TTLL5: variants seen among roughly 807,000 people sequenced by gnomAD.
The protein encoded by TTLL5 is tubulin tyrosine ligase like 5.
In TTLL5, 132 loss-of-function variants were observed where a neutral mutation model predicts 168.4. The ratio of observed to expected loss-of-function variants is 0.78; its 90% confidence interval spans 0.68 to 0.91. The LOEUF is 0.91. TTLL5 is among the 40% of genes least tolerant of loss of function. The pLI is 0.00. For synonymous variants in TTLL5, 546 were observed against 558.6 expected, an observed-to-expected ratio of 0.98 and a Z score of 0.32; for missense variants, 1,545 against 1,581.5, an observed-to-expected ratio of 0.98 and a Z score of 0.39.
intron 22 of TTLL5, among the ~76,000 whole-genome samples, 154 bp downstream of exon 22, chr14:75,775,784 C>A (rs79593513): frequency 0.012 from 1,786 of 152,246 alleles, 44 homozygotes; most frequent in African/African-American, 0.04. Flanking sequence ...AAGCAGGACC[C>A]CACACCTTAA....
At chr14:75,677,456 C>T (rs1884261388) in intron 3 of TTLL5, among the ~76,000 whole-genome samples, 1 of 142,714 alleles carries the variant, frequency 7.0e-6, no homozygotes, top group Non-Finnish European at 1.5e-5. Context: ...AGTGCAGTGG[C>T]CTGATCATGA....
At chr14:75,885,266 A>G (rs918601955) in intron 30 of TTLL5, among the ~76,000 whole-genome samples, 1 of 151,826 alleles carries the variant, frequency 6.6e-6, no homozygotes, top group African/African-American at 2.4e-5. Context: ...CGAGGCGGGC[A>G]GATCAAGAGG....
At chr14:75,673,275 T>G (rs2140098987) in intron 3 of TTLL5, among the ~76,000 whole-genome samples, 1 of 152,356 alleles carries the variant, frequency 6.6e-6, no homozygotes, top group South Asian at 2.1e-4. Flanking sequence ...AGACCCAATT[T>G]TAAAATTCCA....
At chr14:75,869,040 G>GTGTGTC (rs2139972136) in intron 29 of TTLL5, among the ~76,000 whole-genome samples, 1 of 151,358 alleles carries the variant, frequency 6.6e-6, no homozygotes, top group African/African-American at 2.4e-5. Context: ...GTGTGTGTGT[G>GTGTGTC]TGTGTGTGTG....
intron 12 of TTLL5, among the ~76,000 whole-genome samples, chr14:75,727,593 G>A (rs1888260328): frequency 6.6e-6 from 1 of 152,174 alleles, no homozygotes; most frequent in African/African-American, 2.4e-5. Flanking sequence ...TATGTCTTGT[G>A]GTGGTGTTAG....
At chr14:75,790,503 A>ACC in intron 26 of TTLL5, among the ~76,000 whole-genome samples, 1 of 150,230 alleles carries the variant, frequency 6.7e-6, no homozygotes. Context: ...ACAGGGTCTC[A>ACC]CTCTGTCACC....
intron 28 of TTLL5, among the ~76,000 whole-genome samples, chr14:75,850,055 G>A (rs1448509170): frequency 2.6e-5 from 4 of 151,740 alleles, no homozygotes; most frequent in Admixed American, 2.6e-4. Context: ...GCAGTAAACC[G>A]AGATCATACT....
intron 28 of TTLL5, among the ~76,000 whole-genome samples, chr14:75,856,628 T>C (rs1227324068): frequency 6.9e-6 from 1 of 144,392 alleles, no homozygotes. Flanking sequence ...TGTATTGCTT[T>C]TTTTTTTTTT....
chr14:75,813,533 G>A (rs763504841), intron 27 of TTLL5, among the ~76,000 whole-genome samples: 2 of 152,060 alleles, frequency 1.3e-5, no homozygotes, highest in Admixed American at 6.6e-5. Context: ...GAACTCCTGG[G>A]CTCCAACGAT....
At chr14:75,771,070 A>G (rs1421322314) in intron 20 of TTLL5, among the ~76,000 whole-genome samples, 5 of 152,212 alleles carry the variant, frequency 3.3e-5, no homozygotes, top group Non-Finnish European at 5.9e-5. Flanking sequence ...TCATTAATAC[A>G]GTGGTTTTTG....
At chr14:75,734,509 G>A (rs1888763436) in intron 14 of TTLL5, among the ~76,000 whole-genome samples, 1 of 152,138 alleles carries the variant, frequency 6.6e-6, no homozygotes, top group African/African-American at 2.4e-5. Context: ...GAGATGCGCA[G>A]TCAGGTGGGT....
intron 7 of TTLL5, among the ~76,000 whole-genome samples, chr14:75,703,617 A>G: frequency 6.6e-6 from 1 of 152,216 alleles, no homozygotes; most frequent in African/African-American, 2.4e-5. Flanking sequence ...TGATTATGGA[A>G]GTCAAGTTTA....
At chr14:75,795,316 A>C (rs1892942134) in intron 27 of TTLL5, among the ~76,000 whole-genome samples, 1 of 152,250 alleles carries the variant, frequency 6.6e-6, no homozygotes, top group African/African-American at 2.4e-5. Context: ...TTCAATAGTA[A>C]ATGGCTTCTA....
intron 13 of TTLL5, among the ~76,000 whole-genome samples, 186 bp from the exon 14 acceptor site, chr14:75,733,803 C>T (rs1359381663): frequency 6.6e-6 from 1 of 152,092 alleles, no homozygotes; most frequent in Non-Finnish European, 1.5e-5. Flanking sequence ...GAATTTAACA[C>T]CAGGATTTCA....
chr14:75,735,036 G>C (rs2140238704), intron 14 of TTLL5, among the ~76,000 whole-genome samples, 159 bp from the exon 15 acceptor site: 1 of 152,370 alleles, frequency 6.6e-6, no homozygotes, highest in South Asian at 2.1e-4. Flanking sequence ...AGAGTTCAGA[G>C]GGTGTGTGTG....
rs77893198 is a variant in TTLL5, at chr14:75,687,962, G to A, written c.372-2230G>A. Reference sequence around the variant, plus strand: ...TGTGGGCCAGGATGCATGGCAACTGGAACACTTTTGCTGGCGGGAATGCAG... The same window carrying A: ...TGTGGGCCAGGATGCATGGCAACTGAAACACTTTTGCTGGCGGGAATGCAG... On this transcript the variant is annotated intron_variant, in intron 5 of 31. Transcript: ENST00000298832. Among the ~76,000 whole-genome samples the A allele has an allele frequency of 6.1e-3, 922 of 152,308 alleles. 8 individuals are homozygous for A. Among genetic ancestry groups the A allele is most frequent in the African/African-American group, 0.021 (875 of 41,562 alleles).
chr14:75,773,713 AC>A (rs1425909831), intron 21 of TTLL5, among the ~76,000 whole-genome samples: 1 of 150,802 alleles, frequency 6.6e-6, no homozygotes, highest in Non-Finnish European at 1.5e-5. Context: ...ACATGGTGAA[AC>A]CCCGTCTCTA....
At chr14:75,799,920 A>C (rs368677406) in intron 27 of TTLL5, among the ~76,000 whole-genome samples, 3 of 152,146 alleles carry the variant, frequency 2.0e-5, no homozygotes, top group African/African-American at 7.2e-5. Flanking sequence ...TCTTGACTTT[A>C]GATAACCTGA....
At chr14:75,708,766 G>A (rs1449830528) in intron 9 of TTLL5, among the ~76,000 whole-genome samples, 1 of 152,136 alleles carries the variant, frequency 6.6e-6, no homozygotes, top group Non-Finnish European at 1.5e-5. Flanking sequence ...TTTAAAATAA[G>A]TATGTAACTA....
Sources: gnomAD v4.1 joint callset for allele counts (sites outside exome capture counted in the v4.1 genomes callset) on GRCh38, gnomAD v4.1.1 for gene constraint, MANE v1.5 for transcripts, NCBI Gene and HGNC (gene_info 2026-07-23, HGNC 2026-07-21) for gene names.